Variants in CLCNKB observed in about 807,000 individuals in gnomAD.
The protein encoded by CLCNKB is chloride channel protein ClC-Kb.
CLCNKB carries 74 observed loss-of-function variants against 83.8 expected under a neutral mutation model. That is an observed-to-expected ratio of 0.88 (90% CI 0.73 to 1.07). CLCNKB has a LOEUF of 1.07. CLCNKB is among the 50% of genes least tolerant of loss of function. The pLI, the probability that CLCNKB is intolerant of heterozygous loss-of-function variation, is 0.00. For synonymous variants in CLCNKB, 358 were observed against 356.6 expected, an observed-to-expected ratio of 1.00 and a Z score of -0.04; for missense variants, 798 against 893.6, an observed-to-expected ratio of 0.89 and a Z score of 1.36.
downstream of CLCNKB, chr1:16,057,313 G>C (rs28690440): frequency 0.22 from 107,411 of 489,112 alleles, 8,528 homozygotes; most frequent in Admixed American, 0.32. Context: ...CCCAGAGCTG[G>C]TGTCCATCCC....
chr1:16,055,949 C>G (rs963467540), intron 18 of CLCNKB, among the ~76,000 whole-genome samples, 191 bp downstream of exon 18: 1 of 152,204 alleles, frequency 6.6e-6, no homozygotes, highest in African/African-American at 2.4e-5. Context: ...CCCTCACTGC[C>G]AGGGTTGTGG....
intron 15 of CLCNKB, among the ~76,000 whole-genome samples, chr1:16,052,927 C>G (rs1216660636): frequency 6.6e-6 from 1 of 152,228 alleles, no homozygotes; most frequent in Non-Finnish European, 1.5e-5. Context: ...GCTGAAAACA[C>G]AAGCAAGCTG....
intron 3 of CLCNKB, 98 bp downstream of exon 3, chr1:16,045,784 GGGGTGCTCT>G: frequency 1.6e-6 from 2 of 1,214,658 alleles, no homozygotes; most frequent in Non-Finnish European, 2.3e-6. Flanking sequence ...GAGGTTGGGG[GGGGTGCTCT>G]GGGTGGGGAT....
Position 16,049,204 on chromosome 1 carries a change from C to A in CLCNKB, c.740C>A (p.Ala247Asp), listed in dbSNP as rs200856324. The change falls in exon 8 of 20, where the codon GCC (alanine) becomes GAC (aspartate). Residue 247 changes from alanine (A) to aspartate (D), a missense_variant. Coordinates refer to ENST00000375679, the MANE Select transcript of CLCNKB (RefSeq NM_000085.5). ...WRGFFAATCGAFMFRLLAVFN... is the reference protein window; with the variant it reads ...WRGFFAATCGDFMFRLLAVFN... The stretch of plus-strand genomic sequence containing the variant: ...GGCTTCTTTGCGGCCACCTGCGGGG[C>A]CTTCATGTTCCGGCTCCTGGCGGTC... 4 of 1,613,730 alleles carry A rather than the reference C, an allele frequency of 2.5e-6. No homozygotes were observed. The highest frequency in any genetic ancestry group is 3.4e-6 in the Non-Finnish European group (4 of 1,179,984).
chr1:16,044,583 G>A lies in CLCNKB; in HGVS notation c.91G>A (p.Gly31Ser), dbSNP rs1316084166. The change falls in exon 2 of 20, where the codon GGC becomes AGC. Residue 31 changes from glycine (G) to serine (S), a missense_variant. Physicochemically the swap from Gly to Ser is moderately conservative, Grantham distance 56 (BLOSUM62 0). Transcript: ENST00000375679. The part of the protein sequence containing the change: ...LWGPCPRIRR[G>S]IRGGLEWLKQ... The stretch of plus-strand genomic sequence containing the variant: ...GGGCCCCTGTCCCCGCATCCGCCGA[G>A]GCATCCGAGGTGAGAGCCAGGTCCT... The A allele has an allele frequency of 3.8e-6, 6 of 1,599,926 alleles. No homozygotes were observed. In the Admixed American group the frequency reaches 8.7e-5, roughly 23 times the overall value.
At chr1:16,045,734 T>A (rs1219872611) in intron 3 of CLCNKB, 48 bp downstream of exon 3, 15 of 1,453,548 alleles carry the variant, frequency 1.0e-5, no homozygotes, top group African/African-American at 9.7e-5. Context: ...GATTCTGAGC[T>A]CTCTCTGGGG....
At position 16,048,395 on chromosome 1, in the gene CLCNKB, G is replaced by T. The variant is rs1384476495; in HGVS notation, c.551G>T (p.Arg184Leu). 1 of 1,614,010 alleles carries T rather than the reference G, an allele frequency of 6.2e-7. No individual in the cohort carries two copies. The highest frequency in any genetic ancestry group is 8.5e-7 in the Non-Finnish European group (1 of 1,180,004). Residue 184 changes from arginine to leucine, a missense_variant, in exon 6 of 20, where the codon CGC (arginine) becomes CTC (leucine). By Grantham distance (102) the Arg-to-Leu change is moderately radical. Coordinates refer to ENST00000375679, the MANE Select transcript of CLCNKB (RefSeq NM_000085.5). ...VMMAAYLGRV[R>L]TTTIGEPENK... ...ATGGCTGCCTACCTGGGCCGTGTGC[G>T]CACCACGACCATCGGGGAGCCTGAG...
chr1:16,051,454 G>A, intron 12 of CLCNKB, 24 bp from the exon 13 acceptor site: 1 of 1,613,546 alleles, frequency 6.2e-7, no homozygotes, highest in Non-Finnish European at 8.5e-7. Context: ...TCTAACCTCT[G>A]CCCTGGGCTC....
rs2282263 is a variant in CLCNKB at position 16,048,095 on chromosome 1, C to T, written c.498+51C>T. ...AACCACCCTACCCACCCCAGCCACCCCAGTCTCACCCCCATCACCCCACGA... is the reference window on the plus strand; with the variant it reads ...AACCACCCTACCCACCCCAGCCACCTCAGTCTCACCCCCATCACCCCACGA... On this transcript the variant is annotated intron_variant, in intron 5 of 19. Transcript: ENST00000375679. 0.12 allele frequency: 191,694 copies of T among 1,585,816 alleles called. 12,749 individuals carry two copies. Among genetic ancestry groups the T allele is most frequent in the Non-Finnish European group, 0.14 (157,250 of 1,163,472 alleles).
At position 16,049,835 on chromosome 1, in the gene CLCNKB, G is replaced by C; in HGVS notation, c.887G>C (p.Gly296Ala). Reference protein sequence around the residue: ...VALGGLCGILGSAYLFCQRIF... With the variant: ...VALGGLCGILASAYLFCQRIF... ...CCCAGGGGTCTCTGTGGCATCCTGGGCAGCGCTTACCTCTTCTGTCAGCGA... is the reference window on the plus strand; with the variant it reads ...CCCAGGGGTCTCTGTGGCATCCTGGCCAGCGCTTACCTCTTCTGTCAGCGA... Residue 296 changes from glycine (G) to alanine (A), a missense_variant, in exon 10 of 20, where the codon GGC becomes GCC. Physicochemically the swap from Gly to Ala is moderately conservative, Grantham distance 60. Coordinates refer to ENST00000375679, the MANE Select transcript of CLCNKB (RefSeq NM_000085.5). 6.2e-7 allele frequency: 1 copy of C among 1,613,836 alleles called. No homozygotes were observed. The highest frequency in any genetic ancestry group is 8.5e-7 in the Non-Finnish European group (1 of 1,179,886).
At chr1:16,048,253 A>AG (rs2124090378) in intron 5 of CLCNKB, 90 bp from the exon 6 acceptor site, 1 of 1,536,760 alleles carries the variant, frequency 6.5e-7, no homozygotes, top group South Asian at 1.1e-5. Context: ...GAGATGGAGG[A>AG]GGGGGTGTTG....
Position 16,052,206 on chromosome 1 carries a change from G to C in CLCNKB, c.1417G>C (p.Ala473Pro), listed in dbSNP as rs2023315618. ...TGACTCTGCCCTTGCAGGGGCTGCA[G>C]CCTTCTCAGGGGCTGTGACCCACAC... is the stretch of plus-strand genomic sequence containing the variant. ...PGGYALAGAA[A>P]FSGAVTHTIS... Residue 473 changes from alanine to proline, a missense_variant, in exon 15 of 20, where the codon GCC (alanine) becomes CCC (proline). Transcript: ENST00000375679. 2 of 1,613,020 alleles carry C rather than the reference G, an allele frequency of 1.2e-6. No homozygotes were observed. Among genetic ancestry groups the C allele is most frequent in the Non-Finnish European group, 1.7e-6 (2 of 1,179,962 alleles).
rs147338414 is a variant in CLCNKB, at chr1:16,050,576, C to G, written c.1029C>G (p.Ser343Arg). 20 of 1,613,966 alleles carry G rather than the reference C, an allele frequency of 1.2e-5. No homozygotes were observed. The highest frequency in any genetic ancestry group is 1.7e-5 in the Non-Finnish European group (20 of 1,180,002). Residue 343 changes from serine to arginine, a missense_variant, in exon 11 of 20, where the codon AGC (serine) becomes AGG (arginine). Transcript: ENST00000375679. ...LVLASITYPP[S>R]AGRFLASRLS... is the part of the protein sequence containing the mutation. ...TCGCCTCCATCACCTACCCACCCAG[C>G]GCCGGCCGCTTCCTAGCTTCTCGGG...
At chr1:16,048,925 A>G (rs1229261502) in intron 7 of CLCNKB, 195 bp from the exon 8 acceptor site, 6 of 1,462,366 alleles carry the variant, frequency 4.1e-6, no homozygotes, top group Non-Finnish European at 5.4e-6. Flanking sequence ...CCCGCATTCC[A>G]GGCTGGACGG....
chr1:16,052,110 T>G (rs1241357855), intron 14 of CLCNKB, 88 bp from the exon 15 acceptor site: 40 of 1,529,014 alleles, frequency 2.6e-5, no homozygotes, highest in Non-Finnish European at 3.4e-5. Flanking sequence ...AAATCACACC[T>G]TAGCCCCTGG....
intron 4 of CLCNKB, among the ~76,000 whole-genome samples, chr1:16,046,901 A>G (rs1470391952): frequency 6.6e-6 from 1 of 152,224 alleles, no homozygotes; most frequent in Non-Finnish European, 1.5e-5. Context: ...ATCTTCTGCG[A>G]AGCCTGTTCC....
At chr1:16,051,642 T>A in intron 13 of CLCNKB, 68 bp from the exon 14 acceptor site, 2 of 1,603,680 alleles carry the variant, frequency 1.2e-6, no homozygotes, top group Non-Finnish European at 1.7e-6. Context: ...CTGAGGACGG[T>A]CCTCAGGGAT....
intron 10 of CLCNKB, 40 bp from the exon 11 acceptor site, chr1:16,050,476 A>C: frequency 6.2e-7 from 1 of 1,602,154 alleles, no homozygotes; most frequent in Middle Eastern, 1.7e-4. Context: ...GGGATGTGGG[A>C]AAGGGAGGGC....
intron 19 of CLCNKB, 25 bp downstream of exon 19, chr1:16,056,533 A>G: frequency 6.3e-7 from 1 of 1,599,842 alleles, no homozygotes; most frequent in Non-Finnish European, 8.5e-7. Context: ...GGGGCAGAGC[A>G]AAGCAGGGAA....
Sources: allele counts gnomAD v4.1 joint callset (sites outside exome capture counted in the v4.1 genomes callset), GRCh38; gene constraint gnomAD v4.1.1; transcripts MANE v1.5; gene names NCBI Gene and HGNC (gene_info 2026-07-23, HGNC 2026-07-21).